The following NAALADL2 variants were observed in gnomAD, a reference collection of about 807,000 sequenced individuals.
NAALADL2 encodes the protein inactive N-acetylated-alpha-linked acidic dipeptidase-like protein 2.
A neutral mutation model predicts 87.2 loss-of-function variants in NAALADL2; 76 were observed. The ratio of observed to expected loss-of-function variants is 0.87; its 90% CI spans 0.72 to 1.05. The LOEUF (loss-of-function observed/expected upper bound fraction) is 1.05. Among genes scored for constraint, NAALADL2 ranks in the 50% least tolerant of loss-of-function variants. The pLI is 0.00. For missense variants in NAALADL2, 1,089 were observed against 945.8 expected, an observed-to-expected ratio of 1.15 and a Z score of -1.99; for synonymous variants, 354 against 331.0, an observed-to-expected ratio of 1.07 and a Z score of -0.75.
chr3:175,786,633 C>T lies in NAALADL2; in HGVS notation c.2190-16372C>T, dbSNP rs1243900659. On this transcript the variant is annotated intron_variant, in intron 13 of 13. Coordinates refer to ENST00000454872, the MANE Select transcript of NAALADL2 (RefSeq NM_207015.3). ...TTTTTCAAAGTTTGCCACTTCTTTG[C>T]CTTTGGTTTGAATGTCCTCTCGTAG... Among the ~76,000 whole-genome samples the T allele has an allele frequency of 2.6e-5, 4 of 152,070 alleles. No individual in the cohort carries two copies. In the East Asian group the frequency reaches 5.8e-4, roughly 22 times the overall value.
chr3:175,764,646 CT>C (rs1482745878), intron 13 of NAALADL2, among the ~76,000 whole-genome samples: 9 of 151,998 alleles, frequency 5.9e-5, no homozygotes, highest in African/African-American at 2.2e-4. Context: ...ACTAAAAGTA[CT>C]TTTCAAACAC....
At chr3:174,897,354 A>C (rs1731676805) in intron 1 of NAALADL2, among the ~76,000 whole-genome samples, 1 of 152,174 alleles carries the variant, frequency 6.6e-6, no homozygotes, top group Non-Finnish European at 1.5e-5. Flanking sequence ...AAAAGTGGGC[A>C]AAATATTTGA....
intron 13 of NAALADL2, among the ~76,000 whole-genome samples, chr3:175,760,637 T>A: frequency 6.6e-6 from 1 of 152,214 alleles, no homozygotes; most frequent in Admixed American, 6.5e-5. Context: ...ATGCATTTTG[T>A]TAAGAATTCT....
rs1247179108 is a variant in NAALADL2 at position 175,808,332 on chromosome 3, G to T, written c.*5129G>T. On this transcript the variant is annotated 3_prime_UTR_variant, in exon 14 of 14. Coordinates refer to ENST00000454872, the MANE Select transcript of NAALADL2 (RefSeq NM_207015.3). ...GTGGCTTCAAATTTTAGTGTTTCTGGTTACATTATTTTGTTTGAATTATAC... is the reference window on the plus strand; with the variant it reads ...GTGGCTTCAAATTTTAGTGTTTCTGTTTACATTATTTTGTTTGAATTATAC... 1 of 151,824 alleles carries T rather than the reference G, an allele frequency of 6.6e-6. No individual in the cohort carries two copies. Among genetic ancestry groups the T allele is most frequent in the Non-Finnish European group, 1.5e-5 (1 of 67,914 alleles). 9.4% of individuals were successfully genotyped at this position (151,824 alleles called of 1,614,324 possible). A position where few individuals can be genotyped will look rare whatever the true frequency, so the allele number is the denominator to read the frequency against.
At chr3:175,629,762 T>A (rs899659846) in intron 11 of NAALADL2, among the ~76,000 whole-genome samples, 2 of 151,714 alleles carry the variant, frequency 1.3e-5, no homozygotes, top group African/African-American at 4.8e-5. Context: ...CAAGAATTGG[T>A]CAGAAATGGA....
At chr3:175,506,197 C>T (rs1730286955) in intron 9 of NAALADL2, among the ~76,000 whole-genome samples, 1 of 152,128 alleles carries the variant, frequency 6.6e-6, no homozygotes, top group Non-Finnish European at 1.5e-5. Flanking sequence ...AATAAAAAAA[C>T]CTTAGCTATG....
At chr3:174,667,548 T>G (rs939332730) in intron 2 of NAALADL2, among the ~76,000 whole-genome samples, 2 of 115,424 alleles carry the variant, frequency 1.7e-5, no homozygotes, top group Non-Finnish European at 3.7e-5. Flanking sequence ...GGAGAGAGTT[T>G]TTTTTTTTTT....
chr3:174,698,503 G>T (rs1398798419), intron 2 of NAALADL2, among the ~76,000 whole-genome samples: 1 of 152,030 alleles, frequency 6.6e-6, no homozygotes, highest in African/African-American at 2.4e-5. Flanking sequence ...CTTTTTGATG[G>T]CTTGTAAATA....
chr3:175,578,859 C>T (rs1719306616), intron 10 of NAALADL2, among the ~76,000 whole-genome samples: 1 of 152,224 alleles, frequency 6.6e-6, no homozygotes, highest in South Asian at 2.1e-4. Context: ...GGGCACTGCT[C>T]ACTAGCCTGC....
intron 1 of NAALADL2, among the ~76,000 whole-genome samples, chr3:174,942,775 C>T (rs999801626): frequency 1.3e-5 from 2 of 152,078 alleles, no homozygotes; most frequent in Non-Finnish European, 2.9e-5. Flanking sequence ...TGTCTTATTT[C>T]AGAGAGCCAG....
chr3:175,418,038 C>T (rs1278940848), intron 5 of NAALADL2, among the ~76,000 whole-genome samples: 2 of 151,920 alleles, frequency 1.3e-5, no homozygotes, highest in Non-Finnish European at 2.9e-5. Flanking sequence ...GGAGAGATAG[C>T]TGGGAATTCT....
At chr3:175,060,715 G>A (rs565918638) in intron 1 of NAALADL2, among the ~76,000 whole-genome samples, 1 of 152,196 alleles carries the variant, frequency 6.6e-6, no homozygotes, top group African/African-American at 2.4e-5. Context: ...ACAATATCTG[G>A]GACTCAGTGT....
At chr3:174,636,485 T>A (rs973820271) in intron 2 of NAALADL2, among the ~76,000 whole-genome samples, 27 of 152,236 alleles carry the variant, frequency 1.8e-4, no homozygotes, top group Admixed American at 1.8e-3. Context: ...CATTAAAAAC[T>A]GGCCAGTGGA....
intron 4 of NAALADL2, among the ~76,000 whole-genome samples, chr3:175,323,099 C>A (rs1338567003): frequency 6.9e-6 from 1 of 144,210 alleles, no homozygotes; most frequent in African/African-American, 2.6e-5. Context: ...AAATGTCCAA[C>A]AATGATAGAC....
At chr3:174,536,931 A>C (rs1686466256) in intron 1 of NAALADL2, among the ~76,000 whole-genome samples, 2 of 152,206 alleles carry the variant, frequency 1.3e-5, no homozygotes, top group African/African-American at 4.8e-5. Flanking sequence ...TTTAACAATA[A>C]TGCAAATAAC....
chr3:174,628,736 G>A (rs1285085084), intron 2 of NAALADL2, among the ~76,000 whole-genome samples: 1 of 151,890 alleles, frequency 6.6e-6, no homozygotes. Flanking sequence ...CACTTTTTTT[G>A]TGCATTATAT....
intron 3 of NAALADL2, among the ~76,000 whole-genome samples, chr3:174,790,132 T>G (rs1414519029): frequency 6.6e-6 from 1 of 152,042 alleles, no homozygotes; most frequent in African/African-American, 2.4e-5. Context: ...TGAAGTGGGG[T>G]TTCTTGGCAG....
intron 3 of NAALADL2, among the ~76,000 whole-genome samples, chr3:174,755,367 T>A (rs1488191172): frequency 2.0e-5 from 3 of 152,206 alleles, no homozygotes; most frequent in Non-Finnish European, 4.4e-5. Flanking sequence ...TACAATACTC[T>A]TAAGCATTGA....
intron 3 of NAALADL2, among the ~76,000 whole-genome samples, chr3:175,234,611 T>G (rs577443418): frequency 8.5e-5 from 13 of 152,312 alleles, no homozygotes; most frequent in Non-Finnish European, 1.6e-4. Flanking sequence ...GATATGATTA[T>G]TAACACATTT....
Sources: allele counts gnomAD v4.1 joint callset (sites outside exome capture counted in the v4.1 genomes callset), GRCh38; gene constraint gnomAD v4.1.1; transcripts MANE v1.5; gene names NCBI Gene and HGNC (gene_info 2026-07-23, HGNC 2026-07-21).